Variants in FBXW4 observed in about 807,000 individuals in gnomAD.
The protein encoded by FBXW4 is F-box/WD repeat-containing protein 4.
Under a neutral mutation model 61.8 loss-of-function variants are expected in FBXW4, and 40 were observed. The observed-to-expected ratio is 0.65, with a 90% CI of 0.50 to 0.84. FBXW4 has a LOEUF of 0.84. FBXW4 is among the 40% of genes least tolerant of loss of function. The pLI is 0.00. For missense variants in FBXW4, 672 were observed against 753.8 expected, an observed-to-expected ratio of 0.89 and a Z score of 1.27; for synonymous variants, 311 against 313.8, an observed-to-expected ratio of 0.99 and a Z score of 0.10.
chr10:101,671,932 G>A (rs1020288672), intron 4 of FBXW4, among the ~76,000 whole-genome samples: 4 of 152,158 alleles, frequency 2.6e-5, no homozygotes, highest in Non-Finnish European at 5.9e-5. Context: ...ATAAAAAGAA[G>A]GGAACATATT....
At chr10:101,695,233 CT>C, upstream of FBXW4, 2 of 977,642 alleles carry the variant, frequency 2.0e-6, no homozygotes, top group Non-Finnish European at 1.2e-6. The surrounding 1 kb of genome is among the most constrained non-coding windows in gnomAD (Gnocchi z 4.2). Flanking sequence ...GGGCACGCCC[CT>C]CACACCTGCA....
At chr10:101,627,064 T>TC (rs1189436986) in intron 5 of FBXW4, among the ~76,000 whole-genome samples, 4 of 151,006 alleles carry the variant, frequency 2.6e-5, no homozygotes, top group Non-Finnish European at 4.4e-5. Flanking sequence ...TTTTTTTTTT[T>TC]TTAAATAGAG....
chr10:101,671,757 C>T (rs2064359842), intron 4 of FBXW4, among the ~76,000 whole-genome samples: 1 of 152,088 alleles, frequency 6.6e-6, no homozygotes, highest in East Asian at 1.9e-4. Context: ...AAGACAGTGA[C>T]CAATCAGAAG....
At chr10:101,661,630 C>G (rs1313959058) in intron 5 of FBXW4, among the ~76,000 whole-genome samples, 1 of 152,178 alleles carries the variant, frequency 6.6e-6, no homozygotes, top group African/African-American at 2.4e-5. Context: ...CATGCCAGCC[C>G]TGGGCCCTCC....
At chr10:101,645,545 C>T (rs1177077824) in intron 5 of FBXW4, among the ~76,000 whole-genome samples, 1 of 152,210 alleles carries the variant, frequency 6.6e-6, no homozygotes, top group Non-Finnish European at 1.5e-5. Context: ...TCACCCCTTT[C>T]ACAAAACAAG....
At chr10:101,693,608 A>G (rs1247751865) in intron 1 of FBXW4, among the ~76,000 whole-genome samples, 1 of 152,216 alleles carries the variant, frequency 6.6e-6, no homozygotes, top group East Asian at 1.9e-4. Flanking sequence ...AGAAAGAACT[A>G]CTTTTTAAAA....
chr10:101,692,219 G>C (rs2064612101), intron 1 of FBXW4, among the ~76,000 whole-genome samples: 2 of 151,306 alleles, frequency 1.3e-5, no homozygotes, highest in Non-Finnish European at 2.9e-5. Context: ...GTATGGAAAT[G>C]GAAAACTGTA....
chr10:101,617,893 A>G (rs1159675429), intron 6 of FBXW4, among the ~76,000 whole-genome samples: 1 of 152,240 alleles, frequency 6.6e-6, no homozygotes, highest in African/African-American at 2.4e-5. Flanking sequence ...GAGGTAAAGA[A>G]AAAAGAGAAT....
At chr10:101,626,826 C>T (rs2063910825) in intron 5 of FBXW4, 1 of 152,222 alleles carries the variant, frequency 6.6e-6, no homozygotes, top group Admixed American at 6.5e-5. Context: ...TCTGACTGGC[C>T]ACAGGCCTAA....
intron 5 of FBXW4, among the ~76,000 whole-genome samples, chr10:101,645,199 T>C (rs1285182102): frequency 6.6e-6 from 1 of 152,144 alleles, no homozygotes; most frequent in East Asian, 1.9e-4. Context: ...CTAGTCTCAA[T>C]ACCCACAGTT....
At chr10:101,664,716 C>A (rs1425302043) in intron 5 of FBXW4, among the ~76,000 whole-genome samples, 1 of 152,150 alleles carries the variant, frequency 6.6e-6, no homozygotes, top group African/African-American at 2.4e-5. Flanking sequence ...AATGCTACAC[C>A]AGGCAAGAAA....
At chr10:101,653,077 T>A (rs1006197030) in intron 5 of FBXW4, among the ~76,000 whole-genome samples, 6 of 152,128 alleles carry the variant, frequency 3.9e-5, no homozygotes, top group Non-Finnish European at 7.4e-5. Flanking sequence ...AAAACAAAAT[T>A]CAGTCTTCTC....
intron 5 of FBXW4, among the ~76,000 whole-genome samples, chr10:101,643,486 C>T (rs1264728477): frequency 1.3e-5 from 2 of 152,250 alleles, no homozygotes; most frequent in African/African-American, 2.4e-5. Context: ...TTGCTCCCTT[C>T]GGTAAGAGGG....
intron 1 of FBXW4, among the ~76,000 whole-genome samples, chr10:101,689,478 CATTAAAAATAA>C (rs1315222413): frequency 6.6e-6 from 1 of 152,172 alleles, no homozygotes; most frequent in African/African-American, 2.4e-5. Context: ...TCATAGAAAC[CATTAAAAATAA>C]GGCCTTTCCA....
intron 1 of FBXW4, among the ~76,000 whole-genome samples, chr10:101,691,495 A>T (rs114922331): frequency 6.6e-6 from 1 of 152,336 alleles, no homozygotes; most frequent in African/African-American, 2.4e-5. Flanking sequence ...ATCAAAACAC[A>T]CATGTCTAAT....
intron 5 of FBXW4, among the ~76,000 whole-genome samples, chr10:101,627,076 C>T (rs1323248619): frequency 7.3e-6 from 1 of 136,264 alleles, no homozygotes; most frequent in Non-Finnish European, 1.6e-5. Flanking sequence ...TAAATAGAGA[C>T]AGGGGTCTCA....
intron 5 of FBXW4, among the ~76,000 whole-genome samples, chr10:101,651,126 C>G (rs551005040): frequency 6.6e-6 from 1 of 152,306 alleles, no homozygotes; most frequent in South Asian, 2.1e-4. Flanking sequence ...CTCTGAGCCC[C>G]CAGCTCTGTC....
Position 101,694,236 on chromosome 10 carries a change from G to GA in FBXW4, c.725+144dup. The GA allele has an allele frequency of 1.3e-6, 1 of 756,634 alleles. No individual in the cohort carries two copies. The highest frequency in any genetic ancestry group is 1.9e-6 in the Non-Finnish European group (1 of 539,484). The allele number at this position is 756,634 out of a possible 1,614,324, so 46.9% of individuals were successfully genotyped here. A position where few individuals can be genotyped will look rare whatever the true frequency, so the allele number is the denominator to read the frequency against. On this transcript the variant is annotated intron_variant, in intron 1 of 8. Coordinates refer to ENST00000331272, the MANE Select transcript of FBXW4 (RefSeq NM_022039.4). This position sits in a 1 kb window ranked among gnomAD's most constrained non-coding sequence, Gnocchi z 6.0. ...CAAAGGGGTCCCCGAGAGTGCTCGG[G>GA]AAAGGGTGTAGGCGGAGGTCAGGTG...
At chr10:101,648,847 A>G (rs1319511912) in intron 5 of FBXW4, among the ~76,000 whole-genome samples, 7 of 152,144 alleles carry the variant, frequency 4.6e-5, no homozygotes, top group Non-Finnish European at 1.0e-4. Context: ...CAATTCCTCA[A>G]TCTTAGTCTG....
Sources: allele counts gnomAD v4.1 joint callset (sites outside exome capture counted in the v4.1 genomes callset), GRCh38; gene constraint gnomAD v4.1.1; non-coding constraint Gnocchi (gnomAD v3.1); transcripts MANE v1.5; gene names NCBI Gene and HGNC (gene_info 2026-07-23, HGNC 2026-07-21).